MBD5: variants seen among roughly 807,000 people sequenced by gnomAD.
The protein encoded by MBD5 is methyl-CpG binding domain protein 5.
A neutral mutation model predicts 117.3 loss-of-function variants in MBD5; 13 were observed. That is an observed-to-expected ratio of 0.11 (90% CI 0.07 to 0.18). The LOEUF is 0.18. Ranked by LOEUF, MBD5 falls within the 10% of genes least tolerant of loss-of-function variation. The probability of loss-of-function intolerance (pLI) is 1.00; values close to 1 mark genes in which losing one functional copy is unlikely to be tolerated. For synonymous variants in MBD5, 727 were observed against 766.4 expected (o/e 0.95, Z 0.85); for missense variants, 1,879 against 2,093.8 (o/e 0.90, Z 2.00).
chr2:148,242,675 G>A (rs10191867), intron 3 of MBD5, among the ~76,000 whole-genome samples: 1,954 of 152,184 alleles, frequency 0.013, 36 homozygotes, highest in African/African-American at 0.044. Context: ...TGTGATCAGT[G>A]AAGAATGTAT....
intron 4 of MBD5, among the ~76,000 whole-genome samples, chr2:148,413,483 A>G (rs1388459451): frequency 2.0e-5 from 3 of 148,490 alleles, no homozygotes; most frequent in Non-Finnish European, 4.4e-5. Flanking sequence ...CATAGAGTGA[A>G]TTAGGGAAGA....
chr2:148,390,442 T>C (rs1199205791), intron 4 of MBD5, among the ~76,000 whole-genome samples: 2 of 151,210 alleles, frequency 1.3e-5, no homozygotes, highest in Non-Finnish European at 2.9e-5. Context: ...TATATGTGTG[T>C]ATATATGTAA....
chr2:148,124,633 GTCTC>G (rs1696847087), intron 1 of MBD5, among the ~76,000 whole-genome samples: 1 of 152,128 alleles, frequency 6.6e-6, no homozygotes, highest in Non-Finnish European at 1.5e-5. Flanking sequence ...AAAGATAAGT[GTCTC>G]TCTCCTAAGT....
intron 1 of MBD5, among the ~76,000 whole-genome samples, chr2:148,104,911 T>C (rs1004919671): frequency 3.2e-4 from 48 of 152,286 alleles, no homozygotes; most frequent in African/African-American, 1.1e-3. Flanking sequence ...AATAGGATAT[T>C]ATAATATCCC....
intron 1 of MBD5, among the ~76,000 whole-genome samples, chr2:148,061,677 A>G (rs1252014468): frequency 6.6e-6 from 1 of 151,816 alleles, no homozygotes; most frequent in Non-Finnish European, 1.5e-5. Flanking sequence ...CTTTGTCAAC[A>G]TCTCTATTTC....
chr2:148,489,929 G>A lies in MBD5; in HGVS notation c.4297G>A (p.Glu1433Lys). 1 of 1,614,008 alleles carries A rather than the reference G, an allele frequency of 6.2e-7. No homozygotes were observed. Among genetic ancestry groups the A allele is most frequent in the Non-Finnish European group, 8.5e-7 (1 of 1,180,000 alleles). The part of the protein sequence containing the change: ...CHTSKKQWDG[E>K]QSPRGERNRW... ...CACATCCAAAAAACAGTGGGACGGG[G>A]AGCAAAGCCCCAGAGGGGAGCGAAA... The change falls in exon 11 of 14, where the codon GAG becomes AAG. Residue 1433 changes from glutamate (E) to lysine (K), a missense_variant. Glu to Lys is a moderately conservative substitution (Grantham distance 56). Around this residue, in one of 4 missense-constraint regions of MBD5, gnomAD observed 1,666 missense variants for 1,792.2 expected, o/e 0.93. Transcript: ENST00000642680.
chr2:148,044,403 G>A lies in MBD5; in HGVS notation c.-925+22719G>A, dbSNP rs143316409. ...TTTATACCATGACACTGAGAACCAGGTTACAAGTCTAGTATTCCTGTGACT... is the reference window on the plus strand; with the variant it reads ...TTTATACCATGACACTGAGAACCAGATTACAAGTCTAGTATTCCTGTGACT... On this transcript the variant is annotated intron_variant, in intron 1 of 13. Transcript: ENST00000642680. 43 of 152,242 alleles carry A rather than the reference G, an allele frequency of 2.8e-4. No homozygotes were observed. The East Asian group carries it at 8.1e-3, about 29-fold the overall frequency. 9.4% of individuals were successfully genotyped at this position (152,242 alleles called of 1,614,324 possible).
chr2:148,267,407 T>G (rs1386068006), intron 3 of MBD5, among the ~76,000 whole-genome samples: 2 of 152,200 alleles, frequency 1.3e-5, no homozygotes, highest in Non-Finnish European at 2.9e-5. Flanking sequence ...TGTTTACATT[T>G]TTCTAATTTT....
chr2:148,364,643 G>A lies in MBD5; in HGVS notation c.-557+22307G>A, dbSNP rs547938132. Reference sequence around the variant, plus strand: ...ATAGGCTCAGAATAAAGGGATGGAGGAATATTTACCAAGCAAATGGAAAGC... The same window carrying A: ...ATAGGCTCAGAATAAAGGGATGGAGAAATATTTACCAAGCAAATGGAAAGC... On this transcript the variant is annotated intron_variant, in intron 4 of 13. Coordinates refer to ENST00000642680, the MANE Select transcript of MBD5 (RefSeq NM_001378120.1). Among the ~76,000 whole-genome samples, 4 of 152,224 alleles carry A rather than the reference G, an allele frequency of 2.6e-5. No individual in the cohort carries two copies. The South Asian group carries it at 8.3e-4, about 32-fold the overall frequency.
rs531950571 is a variant in MBD5 at position 148,491,550 on chromosome 2, C to A, written c.4962+956C>A. ...AATTTCAACTGTGCTCAAACTTTCA[C>A]TGGCACTTAGGTTTAATGACAGGAA... On this transcript the variant is annotated intron_variant, in intron 11 of 13. Transcript: ENST00000642680. 2.6e-5 allele frequency among the ~76,000 whole-genome samples: 4 copies of A among 152,086 alleles called. No individual in the cohort carries two copies. In the South Asian group the frequency reaches 8.3e-4, roughly 32 times the overall value.
At chr2:148,278,761 G>C (rs540684829) in intron 3 of MBD5, among the ~76,000 whole-genome samples, 1 of 152,292 alleles carries the variant, frequency 6.6e-6, no homozygotes, top group Middle Eastern at 3.4e-3. Flanking sequence ...CTGCAAGCTA[G>C]AGAACCAGGA....
At chr2:148,080,791 T>C (rs1470791614) in intron 1 of MBD5, among the ~76,000 whole-genome samples, 1 of 152,184 alleles carries the variant, frequency 6.6e-6, no homozygotes, top group Non-Finnish European at 1.5e-5. Flanking sequence ...TATGTAAATA[T>C]GCAATGGTTT....
intron 1 of MBD5, among the ~76,000 whole-genome samples, chr2:148,137,738 C>G (rs7558404): frequency 0.44 from 66,489 of 152,044 alleles, 14,698 homozygotes; most frequent in South Asian, 0.51. Context: ...GGACTGTGGT[C>G]CCATAAGATT....
chr2:148,350,941 T>C (rs933980559), intron 4 of MBD5, among the ~76,000 whole-genome samples: 3 of 152,030 alleles, frequency 2.0e-5, no homozygotes, highest in East Asian at 3.9e-4. Context: ...ACTGACAATA[T>C]TGTGAACTCT....
chr2:148,331,825 A>G (rs1315595490), intron 3 of MBD5, among the ~76,000 whole-genome samples: 1 of 152,148 alleles, frequency 6.6e-6, no homozygotes, highest in Non-Finnish European at 1.5e-5. Context: ...AAGCAAACAT[A>G]CAGGGTGTTT....
chr2:148,067,759 TG>T (rs1695243113), intron 1 of MBD5, among the ~76,000 whole-genome samples: 1 of 152,202 alleles, frequency 6.6e-6, no homozygotes, highest in African/African-American at 2.4e-5. Flanking sequence ...TCATAGTAAC[TG>T]AATGGTCATT....
chr2:148,291,735 A>T (rs1250769644), intron 3 of MBD5, among the ~76,000 whole-genome samples: 1 of 152,194 alleles, frequency 6.6e-6, no homozygotes, highest in Non-Finnish European at 1.5e-5. Context: ...TGTATATGGA[A>T]TCACAAAAAA....
chr2:148,500,360 G>A (rs1383867281), intron 11 of MBD5, among the ~76,000 whole-genome samples: 1 of 152,018 alleles, frequency 6.6e-6, no homozygotes, highest in Non-Finnish European at 1.5e-5. Context: ...GTATGGTGGA[G>A]AGAAGTTGAG....
chr2:148,119,887 T>G (rs1183115623), intron 1 of MBD5, among the ~76,000 whole-genome samples: 1 of 149,844 alleles, frequency 6.7e-6, no homozygotes, highest in Non-Finnish European at 1.5e-5. Flanking sequence ...TTGTCTTGAT[T>G]ACTATAGCTT....
Sources: gnomAD v4.1 joint callset for allele counts (sites outside exome capture counted in the v4.1 genomes callset) on GRCh38, gnomAD v4.1.1 for gene constraint, gnomAD v4.1.1 regional missense constraint, MANE v1.5 for transcripts, NCBI Gene and HGNC (gene_info 2026-07-23, HGNC 2026-07-21) for gene names.